The following ABCB5 variants were observed in gnomAD, a reference collection of about 807,000 sequenced individuals.
ABCB5 encodes ATP binding cassette subfamily B member 5.
A neutral mutation model predicts 144.2 loss-of-function variants in ABCB5; 155 were observed. The ratio of observed to expected loss-of-function variants is 1.08; its 90% CI spans 0.94 to 1.23. The LOEUF (loss-of-function observed/expected upper bound fraction) is 1.23, where lower values mean the gene tolerates loss of function less well. Among genes scored for constraint, ABCB5 ranks in the 50% most tolerant of loss-of-function variants. The pLI, the probability that ABCB5 is intolerant of heterozygous loss-of-function variation, is 0.00. For synonymous variants in ABCB5, 610 were observed against 528.6 expected, an observed-to-expected ratio of 1.15 and a Z score of -2.11; for missense variants, 1,830 against 1,520.8, an observed-to-expected ratio of 1.20 and a Z score of -3.38.
chr7:20,687,026 A>AT (rs1170415848), intron 16 of ABCB5, among the ~76,000 whole-genome samples: 7 of 152,092 alleles, frequency 4.6e-5, no homozygotes, highest in East Asian at 1.9e-4. Context: ...TGCTAATTTT[A>AT]TTTTTTTAAG....
At chr7:20,728,259 C>A (rs2128051309) in intron 22 of ABCB5, 56 bp from the exon 23 acceptor site, 1 of 1,581,258 alleles carries the variant, frequency 6.3e-7, no homozygotes, top group South Asian at 1.2e-5. Flanking sequence ...TACATGTATT[C>A]AATTGACCTT....
chr7:20,636,749 C>T (rs1784165652), intron 5 of ABCB5, among the ~76,000 whole-genome samples: 2 of 134,398 alleles, frequency 1.5e-5, no homozygotes, highest in African/African-American at 5.6e-5. Context: ...CACACCACTG[C>T]ACTCAAGCCT....
intron 14 of ABCB5, among the ~76,000 whole-genome samples, chr7:20,661,654 G>A (rs1364779208): frequency 1.3e-5 from 2 of 150,836 alleles, no homozygotes; most frequent in South Asian, 2.1e-4. Flanking sequence ...CCTGCCTCAG[G>A]CTCCTGAGTA....
At chr7:20,645,225 G>A (rs1784375668) in intron 7 of ABCB5, among the ~76,000 whole-genome samples, 1 of 152,156 alleles carries the variant, frequency 6.6e-6, no homozygotes, top group East Asian at 1.9e-4. Context: ...GCCAGGTGGT[G>A]TTTCCCCTCT....
intron 5 of ABCB5, among the ~76,000 whole-genome samples, chr7:20,638,125 G>C (rs1339047060): frequency 6.6e-6 from 1 of 152,090 alleles, no homozygotes; most frequent in Non-Finnish European, 1.5e-5. Context: ...TTTAAAAAGT[G>C]AGTCAGTGCT....
At position 20,670,675 on chromosome 7, in the gene ABCB5, C is replaced by A. The variant is rs372915917; in HGVS notation, c.1708-10830C>A. 1.9e-4 allele frequency among the ~76,000 whole-genome samples: 29 copies of A among 152,244 alleles called. No homozygotes were observed. The Middle Eastern group carries it at 0.01, about 54-fold the overall frequency. On this transcript the variant is annotated intron_variant, in intron 14 of 27. Coordinates refer to ENST00000404938, the MANE Select transcript of ABCB5 (RefSeq NM_001163941.2). ...TTGTAATCCCAGCACTTTGGGAGACCAAGGTGGGCGCATCACCTGAGGTCG... is the reference window on the plus strand; with the variant it reads ...TTGTAATCCCAGCACTTTGGGAGACAAAGGTGGGCGCATCACCTGAGGTCG...
chr7:20,728,606 T>C, intron 23 of ABCB5, 151 bp downstream of exon 23: 1 of 913,090 alleles, frequency 1.1e-6, no homozygotes, highest in South Asian at 2.1e-5. Context: ...ATACAAAAAT[T>C]AGCTGGGTGT....
chr7:20,700,818 C>T, intron 19 of ABCB5, among the ~76,000 whole-genome samples: 1 of 152,168 alleles, frequency 6.6e-6, no homozygotes, highest in East Asian at 1.9e-4. Flanking sequence ...TCATTAGTAG[C>T]CCTTCACCTC....
At chr7:20,641,257 T>G (rs1784288681) in intron 5 of ABCB5, among the ~76,000 whole-genome samples, 1 of 152,140 alleles carries the variant, frequency 6.6e-6, no homozygotes, top group Non-Finnish European at 1.5e-5. Flanking sequence ...AAGAAGTTAT[T>G]CTTGATTTCT....
intron 14 of ABCB5, chr7:20,659,551 C>T: frequency 1.0e-6 from 1 of 999,174 alleles, no homozygotes; most frequent in Non-Finnish European, 1.2e-6. Flanking sequence ...AGTTTGAACG[C>T]TTGTTTCCCT....
intron 26 of ABCB5, among the ~76,000 whole-genome samples, chr7:20,750,416 A>ACC (rs1324138481): frequency 1.3e-5 from 2 of 151,866 alleles, no homozygotes; most frequent in Non-Finnish European, 2.9e-5. Flanking sequence ...ACACACACAC[A>ACC]CACATATACA....
intron 14 of ABCB5, among the ~76,000 whole-genome samples, chr7:20,679,959 C>A (rs187284347): frequency 4.0e-4 from 61 of 152,078 alleles, no homozygotes; most frequent in African/African-American, 1.4e-3. Flanking sequence ...TAAACATTTA[C>A]AGCAACCTAT....
chr7:20,631,289 C>T (rs927655448), intron 4 of ABCB5, among the ~76,000 whole-genome samples: 1 of 151,882 alleles, frequency 6.6e-6, no homozygotes. Flanking sequence ...GTATTTTTTC[C>T]TACCACAATT....
chr7:20,680,128 C>T (rs1477136733), intron 14 of ABCB5, among the ~76,000 whole-genome samples: 2 of 152,112 alleles, frequency 1.3e-5, no homozygotes, highest in South Asian at 2.1e-4. Context: ...ATCTCAAAAA[C>T]ATAATGTTGA....
At chr7:20,704,854 A>ATTGCATGTGTGCACAC in intron 20 of ABCB5, 47 bp downstream of exon 20, 2 of 1,462,342 alleles carry the variant, frequency 1.4e-6, no homozygotes, top group Non-Finnish European at 1.9e-6. Flanking sequence ...TGTGGTGTGC[A>ATTGCATGTGTGCACAC]CACATGCAAT....
chr7:20,642,713 T>A (rs1026173131), intron 5 of ABCB5, among the ~76,000 whole-genome samples: 1 of 152,202 alleles, frequency 6.6e-6, no homozygotes, highest in South Asian at 2.1e-4. Flanking sequence ...TCTATATTGT[T>A]ACAAATGCTG....
intron 16 of ABCB5, among the ~76,000 whole-genome samples, chr7:20,688,334 C>T (rs1438423308): frequency 6.6e-6 from 1 of 152,138 alleles, no homozygotes; most frequent in Non-Finnish European, 1.5e-5. Context: ...ATAGAAAGCA[C>T]ACAATGAAAG....
rs1785513881 is a variant in ABCB5, at chr7:20,673,485, T to A, written c.1708-8020T>A. ...ATTTAGGATTGTTATGTTCTCTTGA[T>A]GAATCGAGCCCTTATTCATTAGGAA... is the stretch of plus-strand genomic sequence containing the variant. On this transcript the variant is annotated intron_variant, in intron 14 of 27. Transcript: ENST00000404938. 3.3e-5 allele frequency among the ~76,000 whole-genome samples: 5 copies of A among 152,098 alleles called. No individual in the cohort carries two copies. In the South Asian group the frequency reaches 1.0e-3, roughly 31 times the overall value.
chr7:20,675,680 C>A (rs1003852811), intron 14 of ABCB5, among the ~76,000 whole-genome samples: 1 of 151,634 alleles, frequency 6.6e-6, no homozygotes, highest in Admixed American at 6.6e-5. Flanking sequence ...AAACAAAAAG[C>A]CTCTGCACCA....
Sources: gnomAD v4.1 joint callset for allele counts (sites outside exome capture counted in the v4.1 genomes callset) on GRCh38, gnomAD v4.1.1 for gene constraint, MANE v1.5 for transcripts, NCBI Gene and HGNC (gene_info 2026-07-23, HGNC 2026-07-21) for gene names.